ARHGAP40: variants seen among roughly 807,000 people sequenced by gnomAD.
ARHGAP40 encodes the protein rho GTPase-activating protein 40.
ARHGAP40 carries 43 observed loss-of-function variants against 73.5 expected under a neutral mutation model. That is an observed-to-expected ratio of 0.58 (90% CI 0.46 to 0.75). The LOEUF (loss-of-function observed/expected upper bound fraction) is 0.75. Among genes scored for constraint, ARHGAP40 ranks in the 30% least tolerant of loss-of-function variants. ARHGAP40 has a pLI of 0.00. For synonymous variants in ARHGAP40, 300 were observed against 352.8 expected (o/e 0.85, Z 1.68); for missense variants, 734 against 861.8 (o/e 0.85, Z 1.86).
rs780012992 is a variant in ARHGAP40 at position 38,634,629 on chromosome 20, G to A, written c.793G>A (p.Val265Ile). Residue 265 changes from valine to isoleucine, a missense_variant, in exon 6 of 15, where the codon GTC becomes ATC. Transcript: ENST00000373345. ...CCCTCTCTATTAATAGAAGTTTACC[G>A]TCCCCAAAGGCAGACTTGGCGTGAC... The A allele has an allele frequency of 3.6e-5, 47 of 1,305,282 alleles. No homozygotes were observed. The highest frequency in any genetic ancestry group is 1.1e-4 in the African/African-American group (7 of 65,862). The allele number at this position is 1,305,282 out of a possible 1,614,324, so 80.9% of individuals were successfully genotyped here.
chr20:38,640,910 G>A lies in ARHGAP40; in HGVS notation c.1280-816G>A, dbSNP rs1302750940. ...GATGCAATGATGCCCATCATACTCT[G>A]ATTTATTCTTTGCTTGTGTATTATG... is the stretch of plus-strand genomic sequence containing the variant. On this transcript the variant is annotated intron_variant, in intron 9 of 14. Coordinates refer to ENST00000373345, the Ensembl canonical transcript of ARHGAP40. Among the ~76,000 whole-genome samples, 5 of 152,146 alleles carry A rather than the reference G, an allele frequency of 3.3e-5. No homozygotes were observed. The South Asian group carries it at 6.2e-4, about 19-fold the overall frequency.
intron 7 of ARHGAP40, among the ~76,000 whole-genome samples, chr20:38,638,171 C>T (rs891488309): frequency 1.1e-4 from 16 of 151,666 alleles, no homozygotes; most frequent in African/African-American, 2.9e-4. Context: ...AAAAATTAGC[C>T]GGGTGTAGTG....
intron 1 of ARHGAP40, among the ~76,000 whole-genome samples, chr20:38,617,201 C>T (rs747535126): frequency 1.3e-5 from 2 of 152,190 alleles, no homozygotes; most frequent in Admixed American, 6.5e-5. Context: ...ACACCTCCAC[C>T]GACTCATCCC....
At chr20:38,609,370 G>A (rs2088791665) in intron 1 of ARHGAP40, among the ~76,000 whole-genome samples, 1 of 152,302 alleles carries the variant, frequency 6.6e-6, no homozygotes, top group Admixed American at 6.5e-5. Context: ...CTGAAAATGT[G>A]CACTCCTAAC....
chr20:38,624,895 A>G (rs6128568), intron 2 of ARHGAP40, among the ~76,000 whole-genome samples: 34,741 of 152,246 alleles, frequency 0.23, 4,945 homozygotes, highest in Non-Finnish European at 0.32. Context: ...GACCCCCACT[A>G]GAATGTAACT....
At chr20:38,643,613 C>A in intron 10 of ARHGAP40, 91 bp from the exon 11 acceptor site, 2 of 1,085,486 alleles carry the variant, frequency 1.8e-6, no homozygotes, top group South Asian at 1.4e-5. Context: ...CTTCCTAGCA[C>A]CCCCTTATCA....
At chr20:38,603,603 T>C (rs748150848) in intron 1 of ARHGAP40, among the ~76,000 whole-genome samples, 2 of 152,198 alleles carry the variant, frequency 1.3e-5, no homozygotes, top group Non-Finnish European at 2.9e-5. Context: ...TCTGTCTCTC[T>C]CTCTCATTTA....
chr20:38,628,824 C>T, intron 3 of ARHGAP40, 103 bp from the exon 4 acceptor site: 1 of 799,670 alleles, frequency 1.3e-6, no homozygotes, highest in Non-Finnish European at 1.8e-6. Context: ...TTCAGTGGCT[C>T]CATCTGTGAA....
rs1409259266 is a variant in ARHGAP40 at position 38,602,118 on chromosome 20, C to T, written c.137+39C>T. 4 of 1,260,378 alleles carry T rather than the reference C, an allele frequency of 3.2e-6. No homozygotes were observed. The African/African-American group carries it at 4.6e-5, about 15-fold the overall frequency. The allele number at this position is 1,260,378 out of a possible 1,614,324, so 78.1% of individuals were successfully genotyped here. ...GGGAGCGGGAGGGAAGTTGGCCCTACTATGCACCAGGGGCATGTGCGGTCT... is the reference window on the plus strand; with the variant it reads ...GGGAGCGGGAGGGAAGTTGGCCCTATTATGCACCAGGGGCATGTGCGGTCT... On this transcript the variant is annotated intron_variant, in intron 1 of 14. Coordinates refer to ENST00000373345, the Ensembl canonical transcript of ARHGAP40.
rs575045225 is a variant in ARHGAP40 at position 38,646,241 on chromosome 20, A to G, written c.1710+54A>G. 8.8e-6 allele frequency: 11 copies of G among 1,244,492 alleles called. No homozygotes were observed. The African/African-American group carries it at 1.7e-4, about 19-fold the overall frequency. 77.1% of individuals were successfully genotyped at this position (1,244,492 alleles called of 1,614,324 possible). A position where few individuals can be genotyped will look rare whatever the true frequency, so the allele number is the denominator to read the frequency against. Reference sequence around the variant, plus strand: ...AGAAGGGCCGAGGCGACAGGAGGGCACCTGGGGCGCGGTGCTTCCCTTCCT... The same window carrying G: ...AGAAGGGCCGAGGCGACAGGAGGGCGCCTGGGGCGCGGTGCTTCCCTTCCT... On this transcript the variant is annotated intron_variant, in intron 12 of 14. Coordinates refer to ENST00000373345, the Ensembl canonical transcript of ARHGAP40. The surrounding 1 kb of genome is among the most constrained non-coding windows in gnomAD (Gnocchi z 4.5).
intron 10 of ARHGAP40, among the ~76,000 whole-genome samples, chr20:38,642,306 T>A (rs1302706101): frequency 6.6e-6 from 1 of 152,188 alleles, no homozygotes; most frequent in Non-Finnish European, 1.5e-5. Context: ...CTCCTTGTCG[T>A]ATGGGAATGG....
chr20:38,638,783 G>A, exon 8 of ARHGAP40: 2 of 1,305,458 alleles, frequency 1.5e-6, no homozygotes, highest in Non-Finnish European at 2.0e-6. Context: ...TTGGAAAAGA[G>A]AGGACTGGAC....
chr20:38,641,470 G>A (rs998484883), intron 9 of ARHGAP40, among the ~76,000 whole-genome samples: 5 of 152,158 alleles, frequency 3.3e-5, no homozygotes, highest in African/African-American at 7.2e-5. Context: ...AGGTCTGTGC[G>A]GCATGTGCTT....
intron 1 of ARHGAP40, among the ~76,000 whole-genome samples, chr20:38,614,665 C>A (rs769111704): frequency 1.3e-5 from 2 of 152,096 alleles, no homozygotes; most frequent in African/African-American, 4.8e-5. Flanking sequence ...TTTTTTCTTT[C>A]TCAAAAGAGG....
At chr20:38,617,721 G>T (rs2088850763) in intron 1 of ARHGAP40, among the ~76,000 whole-genome samples, 1 of 152,210 alleles carries the variant, frequency 6.6e-6, no homozygotes, top group Admixed American at 6.5e-5. Flanking sequence ...TGCCCACTCT[G>T]CAGGACAGGA....
intron 1 of ARHGAP40, among the ~76,000 whole-genome samples, chr20:38,615,869 C>A (rs2088834013): frequency 6.6e-6 from 1 of 152,178 alleles, no homozygotes. Flanking sequence ...ATTGTGTACT[C>A]CCGCTCCTGT....
At chr20:38,644,285 G>T (rs1287571445) in intron 11 of ARHGAP40, among the ~76,000 whole-genome samples, 2 of 152,034 alleles carry the variant, frequency 1.3e-5, no homozygotes, top group South Asian at 2.1e-4. Flanking sequence ...AGATAACAGG[G>T]ATACCCCTGC....
chr20:38,608,403 C>T (rs753595420), intron 1 of ARHGAP40, among the ~76,000 whole-genome samples: 2 of 152,184 alleles, frequency 1.3e-5, no homozygotes, highest in Non-Finnish European at 2.9e-5. Flanking sequence ...TCTGTCCCCT[C>T]GGGCTGTTTG....
rs2089053540 is a variant in ARHGAP40, at chr20:38,646,364, C to T, written c.1710+177C>T. ...GGAGCGAGGAGGCGTGGCTGCGAAA[C>T]GAGGGCTTAGAAGCGGGTTGGGGAG... On this transcript the variant is annotated intron_variant, in intron 12 of 14. Transcript: ENST00000373345. This position sits in a 1 kb window ranked among gnomAD's most constrained non-coding sequence, Gnocchi z 4.5. Among the ~76,000 whole-genome samples the T allele has an allele frequency of 6.6e-6, 1 of 152,154 alleles. No individual in the cohort carries two copies. Among genetic ancestry groups the T allele is most frequent in the Non-Finnish European group, 1.5e-5 (1 of 68,024 alleles).
Sources: allele counts gnomAD v4.1 joint callset (sites outside exome capture counted in the v4.1 genomes callset), GRCh38; gene constraint gnomAD v4.1.1; non-coding constraint Gnocchi (gnomAD v3.1); transcripts MANE v1.5; gene names NCBI Gene and HGNC (gene_info 2026-07-23, HGNC 2026-07-21).